The following IMMP2L variants were observed in gnomAD, a reference collection of about 807,000 sequenced individuals.
IMMP2L encodes inner mitochondrial membrane peptidase subunit 2.
In IMMP2L, 18 loss-of-function variants were observed where a neutral mutation model predicts 19.3. The observed-to-expected ratio is 0.93, with a 90% CI of 0.64 to 1.38. The LOEUF (loss-of-function observed/expected upper bound fraction) is 1.38, where lower values mean the gene tolerates loss of function less well. Ranked by LOEUF, IMMP2L falls within the 40% of genes most tolerant of loss-of-function variation. The probability of loss-of-function intolerance (pLI) is 0.00; values close to 1 mark genes in which losing one functional copy is unlikely to be tolerated. For missense variants in IMMP2L, 233 were observed against 218.2 expected, an observed-to-expected ratio of 1.07 and a Z score of -0.43; for synonymous variants, 76 against 73.0, an observed-to-expected ratio of 1.04 and a Z score of -0.21.
intron 5 of IMMP2L, among the ~76,000 whole-genome samples, chr7:110,756,780 A>T (rs1324227269): frequency 6.6e-6 from 1 of 152,092 alleles, no homozygotes; most frequent in African/African-American, 2.4e-5. Context: ...TTAAATACTG[A>T]GAGTTTTAAA....
chr7:111,304,857 A>G (rs1822691259), intron 3 of IMMP2L, among the ~76,000 whole-genome samples: 1 of 152,034 alleles, frequency 6.6e-6, no homozygotes, highest in African/African-American at 2.4e-5. Context: ...TATTTTCCTC[A>G]ACAAACAAAA....
intron 1 of IMMP2L, among the ~76,000 whole-genome samples, chr7:111,547,819 C>T (rs1849074674): frequency 1.3e-5 from 2 of 151,824 alleles, no homozygotes; most frequent in Non-Finnish European, 2.9e-5. Context: ...CTCCCAGTCT[C>T]AAACACTCCT....
At chr7:111,362,468 A>T (rs180986056) in intron 3 of IMMP2L, among the ~76,000 whole-genome samples, 1 of 152,182 alleles carries the variant, frequency 6.6e-6, no homozygotes. Context: ...AAGGTTTCAC[A>T]TACATTTTTT....
At chr7:111,484,949 G>A (rs561950048) in intron 3 of IMMP2L, among the ~76,000 whole-genome samples, 8 of 151,946 alleles carry the variant, frequency 5.3e-5, no homozygotes, top group African/African-American at 9.7e-5. Context: ...CACCAAACCC[G>A]GCTAATTTTT....
At chr7:111,320,334 C>T (rs1824552824) in intron 3 of IMMP2L, among the ~76,000 whole-genome samples, 1 of 152,090 alleles carries the variant, frequency 6.6e-6, no homozygotes, top group South Asian at 2.1e-4. Context: ...CCCATTCTTA[C>T]AGTCCAAATT....
At chr7:111,283,746 C>T (rs1424849084) in intron 3 of IMMP2L, among the ~76,000 whole-genome samples, 8 of 151,540 alleles carry the variant, frequency 5.3e-5, no homozygotes, top group Admixed American at 6.6e-5. Flanking sequence ...CCGAGGCGGG[C>T]GGATCACGAG....
chr7:111,318,441 G>T (rs1404643282), intron 3 of IMMP2L, among the ~76,000 whole-genome samples: 1 of 152,154 alleles, frequency 6.6e-6, no homozygotes, highest in Non-Finnish European at 1.5e-5. Flanking sequence ...GCAAAAGGAA[G>T]ATCTGGGAAG....
rs539908307 is a variant in IMMP2L, at chr7:111,141,864, C to A, written c.240-178299G>T. Among the ~76,000 whole-genome samples the A allele has an allele frequency of 2.0e-5, 3 of 152,218 alleles. No individual in the cohort carries two copies. The South Asian group carries it at 6.2e-4, about 32-fold the overall frequency. On this transcript the variant is annotated intron_variant, in intron 3 of 5. Coordinates refer to ENST00000405709, the MANE Select transcript of IMMP2L (RefSeq NM_032549.4). ...TACAGGTGTGCACCACCATGCCTGG[C>A]TAATTTTTAATTTTGTTTTTGTAGA...
chr7:111,083,209 C>A (rs1055148645), intron 3 of IMMP2L, among the ~76,000 whole-genome samples: 1 of 152,138 alleles, frequency 6.6e-6, no homozygotes, highest in South Asian at 2.1e-4. Context: ...AATTGTCATT[C>A]ATCTTAAATA....
chr7:111,019,112 G>C (rs537739965), intron 3 of IMMP2L, among the ~76,000 whole-genome samples: 1 of 152,010 alleles, frequency 6.6e-6, no homozygotes, highest in Non-Finnish European at 1.5e-5. Flanking sequence ...TTTATATTCT[G>C]AGCACCTAGC....
At chr7:111,365,736 G>A (rs1363024287) in intron 3 of IMMP2L, among the ~76,000 whole-genome samples, 1 of 152,044 alleles carries the variant, frequency 6.6e-6, no homozygotes, top group Non-Finnish European at 1.5e-5. Flanking sequence ...GGTTTTTAAT[G>A]CCATTCCTCA....
intron 3 of IMMP2L, among the ~76,000 whole-genome samples, chr7:111,376,382 C>T (rs1830679144): frequency 6.6e-6 from 1 of 151,994 alleles, no homozygotes; most frequent in African/African-American, 2.4e-5. Context: ...AGGATGGCTA[C>T]AATCAAAGAA....
At chr7:111,231,223 T>G (rs559268770) in intron 3 of IMMP2L, among the ~76,000 whole-genome samples, 1 of 152,144 alleles carries the variant, frequency 6.6e-6, no homozygotes, top group East Asian at 1.9e-4. Flanking sequence ...GGTAAATTAT[T>G]ATGATATTTT....
At chr7:111,124,596 T>A (rs771693596) in intron 3 of IMMP2L, 1 of 1,613,946 alleles carries the variant, frequency 6.2e-7, no homozygotes, top group Non-Finnish European at 8.5e-7. Flanking sequence ...AATGTGTAAA[T>A]GTCACCACCA....
At chr7:111,156,344 T>C (rs1804643192) in intron 3 of IMMP2L, among the ~76,000 whole-genome samples, 1 of 152,154 alleles carries the variant, frequency 6.6e-6, no homozygotes, top group Admixed American at 6.6e-5. Context: ...TTGCTCCACA[T>C]CTTCCCTTTC....
intron 5 of IMMP2L, among the ~76,000 whole-genome samples, chr7:110,882,982 A>C (rs560273269): frequency 3.3e-5 from 5 of 152,272 alleles, no homozygotes; most frequent in African/African-American, 1.2e-4. Context: ...ACAGGTGCTC[A>C]AAAATGTGTC....
chr7:111,446,585 G>C (rs1189760958), intron 3 of IMMP2L, among the ~76,000 whole-genome samples: 1 of 151,780 alleles, frequency 6.6e-6, no homozygotes, highest in Non-Finnish European at 1.5e-5. Context: ...ACCAAAAGTA[G>C]ATAAAACCAC....
At chr7:110,942,879 A>G (rs1422201000) in intron 4 of IMMP2L, among the ~76,000 whole-genome samples, 2 of 151,994 alleles carry the variant, frequency 1.3e-5, no homozygotes, top group Non-Finnish European at 2.9e-5. Context: ...TATGACAAAT[A>G]AGGCAATGCC....
intron 3 of IMMP2L, among the ~76,000 whole-genome samples, chr7:111,044,762 T>C (rs989411239): frequency 6.6e-6 from 1 of 152,196 alleles, no homozygotes; most frequent in Non-Finnish European, 1.5e-5. Flanking sequence ...ATACTTTTTT[T>C]ATCCCATCAA....
Sources: gnomAD v4.1 joint callset for allele counts (sites outside exome capture counted in the v4.1 genomes callset) on GRCh38, gnomAD v4.1.1 for gene constraint, MANE v1.5 for transcripts, NCBI Gene and HGNC (gene_info 2026-07-23, HGNC 2026-07-21) for gene names.